The following ADD3 variants were observed in gnomAD, a reference collection of about 807,000 sequenced individuals.
The protein encoded by ADD3 is gamma-adducin.
Under a neutral mutation model 80.2 loss-of-function variants are expected in ADD3, and 25 were observed. That is an observed-to-expected ratio of 0.31 (90% CI 0.23 to 0.44). ADD3 has a LOEUF of 0.44. ADD3 is among the 20% of genes least tolerant of loss of function. The pLI, the probability that ADD3 is intolerant of heterozygous loss-of-function variation, is 1.00. For synonymous variants in ADD3, 284 were observed against 289.6 expected, an observed-to-expected ratio of 0.98 and a Z score of 0.20; for missense variants, 829 against 847.5, an observed-to-expected ratio of 0.98 and a Z score of 0.27.
At position 110,041,289 on chromosome 10, in the gene ADD3, G is replaced by A. The variant is rs541657985; in HGVS notation, c.-30+32990G>A. On this transcript the variant is annotated intron_variant, in intron 1 of 14. Transcript: ENST00000356080. ...AGTTGAAGTTGTGGGAGGCAGATGA[G>A]GTTTTCCAAGGTGAATGTGCAGAGT... Among the ~76,000 whole-genome samples, 119 of 152,252 alleles carry A rather than the reference G, an allele frequency of 7.8e-4. 1 individual carries two copies. Among genetic ancestry groups the A allele is most frequent in the African/African-American group, 2.8e-3 (116 of 41,548 alleles).
chr10:110,016,651 G>A (rs899606682), intron 1 of ADD3: 1 of 152,140 alleles, frequency 6.6e-6, no homozygotes, highest in Non-Finnish European at 1.5e-5. Context: ...TGAATACTTC[G>A]ATTGTTTTTT....
chr10:110,002,852 C>T (rs1851512523), upstream of ADD3, among the ~76,000 whole-genome samples: 1 of 152,132 alleles, frequency 6.6e-6, no homozygotes, highest in South Asian at 2.1e-4. Flanking sequence ...GAGGTTAATT[C>T]CTTTAAAATA....
At chr10:110,064,921 G>A (rs1425288672) in intron 1 of ADD3, among the ~76,000 whole-genome samples, 2 of 152,264 alleles carry the variant, frequency 1.3e-5, no homozygotes, top group African/African-American at 4.8e-5. Context: ...AGCCAGGGGT[G>A]GTGGCACGCA....
intron 12 of ADD3, 46 bp from the exon 13 acceptor site, chr10:110,130,317 A>T: frequency 6.3e-7 from 1 of 1,595,326 alleles, no homozygotes; most frequent in Non-Finnish European, 8.6e-7. Flanking sequence ...TAGATATATA[A>T]GTAAAACTCT....
chr10:110,074,008 G>A (rs973019836), intron 1 of ADD3, among the ~76,000 whole-genome samples: 8 of 151,846 alleles, frequency 5.3e-5, no homozygotes, highest in African/African-American at 1.2e-4. Context: ...CCACAGAGCT[G>A]AAGCTTGCCA....
chr10:110,049,569 A>AGG (rs1204586952), intron 1 of ADD3, among the ~76,000 whole-genome samples: 2 of 152,218 alleles, frequency 1.3e-5, no homozygotes, highest in Non-Finnish European at 2.9e-5. Context: ...ATGGAGTCAA[A>AGG]GGAGATCATT....
At chr10:110,003,188 T>C (rs1851520245), upstream of ADD3, among the ~76,000 whole-genome samples, 1 of 152,004 alleles carries the variant, frequency 6.6e-6, no homozygotes, top group African/African-American at 2.4e-5. Context: ...GGGGGTGGGA[T>C]AGGGAGAGGA....
intron 1 of ADD3, among the ~76,000 whole-genome samples, chr10:110,083,964 C>T (rs537699897): frequency 1.3e-5 from 2 of 152,284 alleles, no homozygotes; most frequent in African/African-American, 4.8e-5. Context: ...TTACTAAGCT[C>T]CTCATAGATA....
upstream of ADD3, among the ~76,000 whole-genome samples, chr10:110,004,273 G>A (rs537844888): frequency 1.3e-5 from 2 of 151,178 alleles, no homozygotes; most frequent in Non-Finnish European, 2.9e-5. Context: ...GGTGGCTCAC[G>A]CCTGTAATCC....
At chr10:110,100,029 C>G (rs904734568) in intron 1 of ADD3, among the ~76,000 whole-genome samples, 5 of 151,876 alleles carry the variant, frequency 3.3e-5, no homozygotes, top group African/African-American at 9.7e-5. Flanking sequence ...GTAATCTTAT[C>G]ACTTTGGGAG....
intron 1 of ADD3, among the ~76,000 whole-genome samples, chr10:110,068,179 T>C (rs1311052300): frequency 2.0e-5 from 3 of 152,168 alleles, no homozygotes; most frequent in Non-Finnish European, 2.9e-5. Context: ...TATTGTCTCT[T>C]CATCTGGTTT....
chr10:110,129,360 G>T (rs1333901541), intron 12 of ADD3, among the ~76,000 whole-genome samples: 1 of 151,996 alleles, frequency 6.6e-6, no homozygotes, highest in South Asian at 2.1e-4. Context: ...TGTTGGTCAG[G>T]CTAGTCTCGA....
At chr10:110,048,934 A>T (rs55645890) in intron 1 of ADD3, among the ~76,000 whole-genome samples, 298 of 152,320 alleles carry the variant, frequency 2.0e-3, no homozygotes, top group Middle Eastern at 0.01. Flanking sequence ...GGATGTCAGA[A>T]AACTTTGTGC....
At chr10:110,082,594 A>G (rs1846198071) in intron 1 of ADD3, among the ~76,000 whole-genome samples, 1 of 152,198 alleles carries the variant, frequency 6.6e-6, no homozygotes, top group African/African-American at 2.4e-5. Context: ...CTGTGCCTTA[A>G]ATAGTCTTTA....
intron 1 of ADD3, among the ~76,000 whole-genome samples, chr10:110,065,544 T>TTTTTTTTTTTTC (rs1843833700): frequency 3.9e-5 from 3 of 76,510 alleles, no homozygotes; most frequent in African/African-American, 1.8e-4. Context: ...CTCCCCTTTT[T>TTTTTTTTTTTTC]TTTTTTTTTT....
At chr10:110,116,926 C>T (rs1850811038) in intron 4 of ADD3, among the ~76,000 whole-genome samples, 1 of 152,180 alleles carries the variant, frequency 6.6e-6, no homozygotes, top group African/African-American at 2.4e-5. Flanking sequence ...ATCTTTCTTC[C>T]TTTCCACCTT....
intron 1 of ADD3, among the ~76,000 whole-genome samples, chr10:110,037,903 C>T (rs1487245095): frequency 6.6e-6 from 1 of 151,388 alleles, no homozygotes. Context: ...CCCGTCTCTA[C>T]TAAAAAATAG....
At chr10:110,127,366 C>G (rs1023276215) in intron 12 of ADD3, among the ~76,000 whole-genome samples, 3 of 152,186 alleles carry the variant, frequency 2.0e-5, no homozygotes, top group African/African-American at 7.2e-5. Context: ...CGCCTGTAAT[C>G]CCAGCACTTT....
upstream of ADD3, among the ~76,000 whole-genome samples, chr10:110,007,445 C>T (rs1184627839): frequency 6.6e-6 from 1 of 152,224 alleles, no homozygotes; most frequent in Non-Finnish European, 1.5e-5. Flanking sequence ...GCGGCCGAGG[C>T]TGACTCAAAG....
Sources: allele counts gnomAD v4.1 joint callset (sites outside exome capture counted in the v4.1 genomes callset), GRCh38; gene constraint gnomAD v4.1.1; transcripts MANE v1.5; gene names NCBI Gene and HGNC (gene_info 2026-07-23, HGNC 2026-07-21).